The following RASGRF1 variants were observed in gnomAD, a reference collection of about 807,000 sequenced individuals.
RASGRF1 encodes Ras protein specific guanine nucleotide releasing factor 1.
Under a neutral mutation model 138.7 loss-of-function variants are expected in RASGRF1, and 40 were observed. The observed-to-expected ratio is 0.29, with a 90% CI of 0.22 to 0.38. The LOEUF is 0.38. Ranked by LOEUF, RASGRF1 falls within the 10% of genes least tolerant of loss-of-function variation. The pLI is 1.00. For missense variants in RASGRF1, 1,108 were observed against 1,650.4 expected (o/e 0.67, Z 5.69); for synonymous variants, 614 against 663.2 (o/e 0.93, Z 1.14).
intron 20 of RASGRF1, among the ~76,000 whole-genome samples, chr15:78,992,752 T>C (rs2056296986): frequency 6.6e-6 from 1 of 152,136 alleles, no homozygotes; most frequent in African/African-American, 2.4e-5. Flanking sequence ...TGTCCAGAAG[T>C]CCCGGCTGGG....
intron 5 of RASGRF1, among the ~76,000 whole-genome samples, chr15:79,043,801 T>C (rs2057325856): frequency 6.6e-6 from 1 of 152,330 alleles, no homozygotes. Flanking sequence ...CCTGAAAGCA[T>C]CACAGTCATA....
chr15:79,044,386 TCAC>T (rs1267473145), intron 5 of RASGRF1, among the ~76,000 whole-genome samples: 2 of 152,234 alleles, frequency 1.3e-5, no homozygotes, highest in African/African-American at 2.4e-5. Flanking sequence ...TTGGTGGTTC[TCAC>T]CACATTTCAT....
In RASGRF1 at chr15:79,050,485, T is replaced by A. The variant is rs1445509010; in HGVS notation, c.532-897A>T. Among the ~76,000 whole-genome samples, 1 of 152,212 alleles carries A rather than the reference T, an allele frequency of 6.6e-6. No individual in the cohort carries two copies. Among genetic ancestry groups the A allele is most frequent in the Non-Finnish European group, 1.5e-5 (1 of 68,034 alleles). ...ATAGAGCAGGTGGCTCCGGGTGAAG[T>A]CCTGCTGGCTTGGCGCTTTCCTTCC... On this transcript the variant is annotated intron_variant, in intron 3 of 26. Coordinates refer to ENST00000558480, the MANE Select transcript of RASGRF1 (RefSeq NM_001145648.3). The surrounding 1 kb of genome is among the most constrained non-coding windows in gnomAD (Gnocchi z 4.1).
At chr15:79,058,260 CCCCAATCCTGCAGGAG>C in intron 3 of RASGRF1, 58 bp downstream of exon 3, 1 of 1,553,270 alleles carries the variant, frequency 6.4e-7, no homozygotes, top group African/African-American at 1.4e-5. Flanking sequence ...TCATGTGGCT[CCCCAATCCTGCAGGAG>C]CCCAGGGTTT....
At chr15:79,078,249 C>T (rs2057867129) in intron 1 of RASGRF1, among the ~76,000 whole-genome samples, 1 of 151,954 alleles carries the variant, frequency 6.6e-6, no homozygotes, top group Admixed American at 6.6e-5. Flanking sequence ...GCCCCCCCGG[C>T]CCCACCCAGA....
chr15:78,962,109 C>G lies in RASGRF1; in HGVS notation c.*35G>C, dbSNP rs778594423. On this transcript the variant is annotated 3_prime_UTR_variant, in exon 27 of 27. Coordinates refer to ENST00000558480, the MANE Select transcript of RASGRF1 (RefSeq NM_001145648.3). Reference sequence around the variant, plus strand: ...ATGTACAGTATCATCTAGCACATGTCCCCGGGAGCAGCTGGGTCTGGGCTG... The same window carrying G: ...ATGTACAGTATCATCTAGCACATGTGCCCGGGAGCAGCTGGGTCTGGGCTG... 7 of 1,334,578 alleles carry G rather than the reference C, an allele frequency of 5.2e-6. No individual in the cohort carries two copies. The East Asian group carries it at 7.3e-5, about 14-fold the overall frequency. The allele number at this position is 1,334,578 out of a possible 1,614,324, so 82.7% of individuals were successfully genotyped here.
chr15:79,017,742 G>C, intron 12 of RASGRF1, 28 bp downstream of exon 12: 2 of 1,582,954 alleles, frequency 1.3e-6, no homozygotes, highest in Non-Finnish European at 1.7e-6. Context: ...GGGACCACTC[G>C]CTTTCAGGAA....
rs1169606095 is a variant in RASGRF1 at position 79,027,677 on chromosome 15, G to A, written c.1381+64C>T. 3.7e-5 allele frequency: 55 copies of A among 1,496,938 alleles called. 1 individual carries two copies. The East Asian group carries it at 1.0e-3, about 29-fold the overall frequency. 92.7% of individuals were successfully genotyped at this position (1,496,938 alleles called of 1,614,324 possible). ...CCAACTGGTGGCGTCCCCGAGTGCC[G>A]CCTCCCTCCCGCTGCTGGGGCCCAC... is the stretch of plus-strand genomic sequence containing the variant. On this transcript the variant is annotated intron_variant, in intron 9 of 26. Transcript: ENST00000558480. This position sits in a 1 kb window ranked among gnomAD's most constrained non-coding sequence, Gnocchi z 4.8.
chr15:78,977,416 G>T (rs1319253416), intron 24 of RASGRF1, among the ~76,000 whole-genome samples: 1 of 152,032 alleles, frequency 6.6e-6, no homozygotes, highest in African/African-American at 2.4e-5. Context: ...GATCAGGTAA[G>T]TAGTCTTTGA....
At chr15:79,074,338 T>C (rs571870015) in intron 1 of RASGRF1, among the ~76,000 whole-genome samples, 1 of 152,354 alleles carries the variant, frequency 6.6e-6, no homozygotes, top group African/African-American at 2.4e-5. Context: ...TTCCCTGAAC[T>C]GGACTGGAGC....
At chr15:79,002,335 C>T (rs1400939916) in intron 15 of RASGRF1, among the ~76,000 whole-genome samples, 1 of 152,122 alleles carries the variant, frequency 6.6e-6, no homozygotes, top group Non-Finnish European at 1.5e-5. Flanking sequence ...TCCACACACC[C>T]TGGGGAGGCT....
chr15:79,044,909 G>T (rs2057338549), intron 5 of RASGRF1, among the ~76,000 whole-genome samples: 1 of 152,022 alleles, frequency 6.6e-6, no homozygotes, highest in African/African-American at 2.4e-5. Context: ...CTCTACCAAA[G>T]ATTCCAGGTC....
intron 20 of RASGRF1, among the ~76,000 whole-genome samples, chr15:78,995,227 C>G (rs2056365730): frequency 1.3e-5 from 2 of 151,942 alleles, no homozygotes; most frequent in African/African-American, 4.8e-5. Context: ...CCACGCCTGG[C>G]CTCCCTCTCA....
rs1450718168 is a variant in RASGRF1 at position 79,050,083 on chromosome 15, A to G, written c.532-495T>C. 6.6e-6 allele frequency among the ~76,000 whole-genome samples: 1 copy of G among 152,216 alleles called. No homozygotes were observed. Among genetic ancestry groups the G allele is most frequent in the Admixed American group, 6.5e-5 (1 of 15,288 alleles). ...ACATTCACATTGTTGTGCAACCATCACCACCATTTACCTCCAGAACTCTTC... is the reference window on the plus strand; with the variant it reads ...ACATTCACATTGTTGTGCAACCATCGCCACCATTTACCTCCAGAACTCTTC... On this transcript the variant is annotated intron_variant, in intron 3 of 26. Transcript: ENST00000558480. This position sits in a 1 kb window ranked among gnomAD's most constrained non-coding sequence, Gnocchi z 4.1.
At chr15:78,994,389 A>T (rs2056346160) in intron 20 of RASGRF1, among the ~76,000 whole-genome samples, 3 of 152,194 alleles carry the variant, frequency 2.0e-5, no homozygotes. Flanking sequence ...TGGGAGGGGC[A>T]GGGGCAGCAG....
Position 79,016,088 on chromosome 15 carries a change from G to C in RASGRF1, c.1744-679C>G, listed in dbSNP as rs141718294. 3.1e-3 allele frequency among the ~76,000 whole-genome samples: 471 copies of C among 152,308 alleles called. 3 individuals are homozygous for C. The highest frequency in any genetic ancestry group is 0.011 in the African/African-American group (455 of 41,560). On this transcript the variant is annotated intron_variant, in intron 12 of 26. Transcript: ENST00000558480. ...AAAATAAAAACTGCATCTCTTGGGG[G>C]AGCTGCCTCTTTTCCCCTGCACTGT...
chr15:79,049,561 G>A lies in RASGRF1; in HGVS notation c.559C>T (p.Arg187Cys), dbSNP rs988360612. The change falls in exon 4 of 27, where the codon CGC becomes TGC. Residue 187 changes from arginine to cysteine, a missense_variant. Arg to Cys is a radical substitution (Grantham distance 180, BLOSUM62 -3). Transcript: ENST00000558480. ...EITSLLKDNE[R>C]IQSTQTVAPN... ...GCGACAGTCTGGGTGGACTGGATGC[G>A]CTCATTGTCCTTGAGCAGGGATGTG... 1.2e-5 allele frequency: 20 copies of A among 1,613,650 alleles called. No homozygotes were observed. The highest frequency in any genetic ancestry group is 5.0e-5 in the Admixed American group (3 of 59,970).
intron 2 of RASGRF1, among the ~76,000 whole-genome samples, chr15:79,060,546 C>T (rs2057589932): frequency 6.6e-6 from 1 of 152,176 alleles, no homozygotes; most frequent in African/African-American, 2.4e-5. Context: ...TGGGACTCCA[C>T]CACCCCCGCT....
intron 13 of RASGRF1, among the ~76,000 whole-genome samples, chr15:79,012,874 G>C (rs1382274123): frequency 6.6e-6 from 1 of 152,090 alleles, no homozygotes; most frequent in Non-Finnish European, 1.5e-5. Flanking sequence ...GTAGAGACGA[G>C]GTTTCACCAT....
Sources: gnomAD v4.1 joint callset for allele counts (sites outside exome capture counted in the v4.1 genomes callset) on GRCh38, gnomAD v4.1.1 for gene constraint, Gnocchi (gnomAD v3.1) non-coding constraint, MANE v1.5 for transcripts, NCBI Gene and HGNC (gene_info 2026-07-23, HGNC 2026-07-21) for gene names.